Variants in TSPAN7 observed in about 807,000 individuals in gnomAD.
TSPAN7 encodes tetraspanin 7, also known as tetraspanin-7.
A neutral mutation model predicts 17.6 loss-of-function variants in TSPAN7; 1 was observed. The ratio of observed to expected loss-of-function variants is 0.06; its 90% confidence interval spans 0.02 to 0.27. TSPAN7 has a LOEUF of 0.27. Ranked by LOEUF, TSPAN7 falls within the 10% of genes least tolerant of loss-of-function variation. TSPAN7 has a pLI of 1.00. For missense variants in TSPAN7, 112 were observed against 201.7 expected (o/e 0.56, Z 2.69); for synonymous variants, 78 against 79.0 (o/e 0.99, Z 0.07).
At chrX:38,563,203 A>G in intron 1 of TSPAN7, 3 of 836,982 alleles carry the variant, frequency 3.6e-6, no homozygotes, top group East Asian at 7.9e-5. Flanking sequence ...ATTAACTGGC[A>G]TATTGCACAA....
At chrX:38,594,193 TG>T (rs1239985981) in intron 1 of TSPAN7, among the ~76,000 whole-genome samples, 3 of 112,121 alleles carry the variant, frequency 2.7e-5, no homozygotes, top group South Asian at 7.4e-4. Context: ...GTTTGTTTTT[TG>T]TTTTTTTGTT....
At chrX:38,569,667 A>G (rs2069159927) in intron 1 of TSPAN7, among the ~76,000 whole-genome samples, 1 of 111,354 alleles carries the variant, frequency 9.0e-6, no homozygotes. Flanking sequence ...CAGCTGCCAT[A>G]AGATTTTGCT....
chrX:38,674,814 G>A (rs994564278), intron 4 of TSPAN7, among the ~76,000 whole-genome samples: 4 of 110,948 alleles, frequency 3.6e-5, no homozygotes, highest in African/African-American at 1.3e-4. Flanking sequence ...GGATATGGGG[G>A]AAATAGAAGA....
chrX:38,577,621 A>AC (rs1269117801), intron 1 of TSPAN7, among the ~76,000 whole-genome samples: 3 of 92,078 alleles, frequency 3.3e-5, no homozygotes, highest in Admixed American at 1.2e-4. Context: ...CAATGAGAAC[A>AC]ATGGACATAG....
chrX:38,649,956 A>G (rs1569311844), intron 1 of TSPAN7, among the ~76,000 whole-genome samples: 1 of 111,992 alleles, frequency 8.9e-6, no homozygotes, highest in South Asian at 3.8e-4. Context: ...GACCTGAGAC[A>G]GGCCCCTCAG....
chrX:38,687,124 G>A (rs1053876906), intron 6 of TSPAN7, among the ~76,000 whole-genome samples: 15 of 112,142 alleles, frequency 1.3e-4, no homozygotes, highest in African/African-American at 4.9e-4. Flanking sequence ...TGTCAGCTGG[G>A]TATGGCTGAG....
intron 1 of TSPAN7, among the ~76,000 whole-genome samples, chrX:38,576,765 T>A (rs2069196184): frequency 9.0e-6 from 1 of 111,370 alleles, no homozygotes; most frequent in Admixed American, 9.5e-5. Flanking sequence ...CAGGAATAAG[T>A]TTAGCTGTAA....
At chrX:38,623,953 A>G (rs1306136566) in intron 1 of TSPAN7, among the ~76,000 whole-genome samples, 29 of 83,713 alleles carry the variant, frequency 3.5e-4, no homozygotes, top group Non-Finnish European at 2.0e-4. Flanking sequence ...AAATAAGTGT[A>G]TCTCAGTGTT....
At chrX:38,604,443 G>A (rs1265118673) in intron 1 of TSPAN7, among the ~76,000 whole-genome samples, 9 of 109,885 alleles carry the variant, frequency 8.2e-5, no homozygotes, top group Middle Eastern at 9.2e-3. Context: ...CTGAGGAATC[G>A]CCACACTGAC....
intron 1 of TSPAN7, among the ~76,000 whole-genome samples, chrX:38,606,924 A>C (rs919842966): frequency 5.4e-5 from 6 of 111,783 alleles, no homozygotes; most frequent in African/African-American, 2.0e-4. Flanking sequence ...TGTGAGCTAG[A>C]ACTCCCTACA....
intron 1 of TSPAN7, among the ~76,000 whole-genome samples, chrX:38,620,182 A>G (rs1193879406): frequency 8.9e-6 from 1 of 111,874 alleles, no homozygotes; most frequent in African/African-American, 3.2e-5. Flanking sequence ...CACAGTTCTG[A>G]CGTTCTCCTT....
At chrX:38,638,206 ATCT>A (rs769965728) in intron 1 of TSPAN7, among the ~76,000 whole-genome samples, 1 of 112,197 alleles carries the variant, frequency 8.9e-6, no homozygotes, top group South Asian at 3.7e-4. Flanking sequence ...ACAGTCTTTA[ATCT>A]TCTGCCCATT....
At chrX:38,563,600 T>G (rs2069126417) in intron 1 of TSPAN7, among the ~76,000 whole-genome samples, 1 of 111,654 alleles carries the variant, frequency 9.0e-6, no homozygotes, top group Non-Finnish European at 1.9e-5. Flanking sequence ...GCTTTTCATA[T>G]GAGCACTTTA....
At position 38,579,499 on chromosome X, in the gene TSPAN7, T is replaced by A. The variant is rs1014609237; in HGVS notation, c.81+17872T>A. On this transcript the variant is annotated intron_variant, in intron 1 of 7. Coordinates refer to ENST00000378482, the MANE Select transcript of TSPAN7 (RefSeq NM_004615.4). ...TACTCAGGAGGCTGAGGCAGGAGAA[T>A]CACTTGAACCTTGGAGGCAGAGGTT... Among the ~76,000 whole-genome samples the A allele has an allele frequency of 3.6e-5, 4 of 110,716 alleles. No homozygotes were observed. In the Admixed American group the frequency reaches 3.9e-4, roughly 11 times the overall value.
intron 1 of TSPAN7, among the ~76,000 whole-genome samples, chrX:38,614,555 G>T (rs753577239): frequency 1.8e-5 from 2 of 112,505 alleles, no homozygotes; most frequent in Admixed American, 1.9e-4. Context: ...TGAGTTAACT[G>T]GACTTTGAAG....
At chrX:38,639,336 T>C (rs776389101) in intron 1 of TSPAN7, among the ~76,000 whole-genome samples, 2 of 108,935 alleles carry the variant, frequency 1.8e-5, no homozygotes, top group African/African-American at 3.4e-5. Flanking sequence ...CAAGGTCACA[T>C]ACCTGTGAGT....
In TSPAN7 at chrX:38,666,445, A is replaced by C. The variant is rs1377627982; in HGVS notation, c.270+136A>C. ...TTCAGTCCAGACTCTTTCCTAATCC[A>C]TCCTTTAATCCCCTAGAGGTAAAAA... is the stretch of plus-strand genomic sequence containing the variant. On this transcript the variant is annotated intron_variant, in intron 2 of 7. Coordinates refer to ENST00000378482, the MANE Select transcript of TSPAN7 (RefSeq NM_004615.4). 3 of 668,655 alleles carry C rather than the reference A, an allele frequency of 4.5e-6. No homozygotes were observed. In the Admixed American group the frequency reaches 8.0e-5, roughly 18 times the overall value. 55.1% of individuals were successfully genotyped at this position (668,655 alleles called of 1,213,427 possible). A position where few individuals can be genotyped will look rare whatever the true frequency, so the allele number is the denominator to read the frequency against.
intron 1 of TSPAN7, among the ~76,000 whole-genome samples, chrX:38,649,079 C>T (rs1410121286): frequency 2.7e-5 from 3 of 111,408 alleles, no homozygotes; most frequent in Admixed American, 9.5e-5. Flanking sequence ...TTTTGGAAGG[C>T]ACTTATTTTA....
At chrX:38,668,275 A>G (rs1390478740) in intron 2 of TSPAN7, among the ~76,000 whole-genome samples, 1 of 111,877 alleles carries the variant, frequency 8.9e-6, no homozygotes, top group East Asian at 2.8e-4. Context: ...TGATATTTTT[A>G]TGTTCTAATT....
Sources: gnomAD v4.1 joint callset for allele counts (sites outside exome capture counted in the v4.1 genomes callset) on GRCh38, gnomAD v4.1.1 for gene constraint, MANE v1.5 for transcripts, NCBI Gene and HGNC (gene_info 2026-07-23, HGNC 2026-07-21) for gene names.